SKAP1: variants seen among roughly 807,000 people sequenced by gnomAD.
SKAP1 encodes src kinase associated phosphoprotein 1, also known as src kinase-associated phosphoprotein 1.
A neutral mutation model predicts 58.5 loss-of-function variants in SKAP1; 44 were observed. The ratio of observed to expected loss-of-function variants is 0.75; its 90% CI spans 0.59 to 0.97. The LOEUF is 0.97. Ranked by LOEUF, SKAP1 falls within the 50% of genes least tolerant of loss-of-function variation. The pLI is 0.00. For missense variants in SKAP1, 390 were observed against 435.2 expected, an observed-to-expected ratio of 0.90 and a Z score of 0.92; for synonymous variants, 127 against 149.7, an observed-to-expected ratio of 0.85 and a Z score of 1.11.
At chr17:48,436,374 C>G in the SKAP1 span, among the ~76,000 whole-genome samples, 1 of 152,140 alleles carries the variant, frequency 6.6e-6, no homozygotes, top group African/African-American at 2.4e-5. Context: ...GTCTGGCCAA[C>G]AACTGTACCC....
At chr17:48,419,293 T>C (rs974758786) in intron 1 of SKAP1, among the ~76,000 whole-genome samples, 1 of 150,418 alleles carries the variant, frequency 6.6e-6, no homozygotes, top group South Asian at 2.1e-4. Flanking sequence ...GGGGCTTTTT[T>C]TTTTTTCCAA....
intron 2 of SKAP1, among the ~76,000 whole-genome samples, chr17:48,388,470 C>T (rs563019292): frequency 2.7e-3 from 408 of 152,110 alleles, no homozygotes; most frequent in African/African-American, 9.4e-3. Flanking sequence ...AATAAAAAAC[C>T]TTTATATTAT....
chr17:48,247,749 T>C (rs1350773780), intron 4 of SKAP1, among the ~76,000 whole-genome samples: 1 of 152,158 alleles, frequency 6.6e-6, no homozygotes, highest in Non-Finnish European at 1.5e-5. Flanking sequence ...TATAGATGCA[T>C]ACTCGATGCA....
At chr17:48,257,563 A>G (rs186019157) in intron 4 of SKAP1, among the ~76,000 whole-genome samples, 1 of 152,136 alleles carries the variant, frequency 6.6e-6, no homozygotes, top group Admixed American at 6.6e-5. Context: ...ATTTGTCGGA[A>G]ACTTACAAAG....
intron 11 of SKAP1, among the ~76,000 whole-genome samples, chr17:48,153,632 G>T (rs1003072174): frequency 3.3e-5 from 5 of 151,996 alleles, no homozygotes; most frequent in African/African-American, 1.2e-4. Context: ...AAGATACTTT[G>T]CCATAGGATC....
chr17:48,318,748 C>G (rs2066322054), intron 4 of SKAP1, among the ~76,000 whole-genome samples: 4 of 152,116 alleles, frequency 2.6e-5, no homozygotes, highest in Admixed American at 2.6e-4. Flanking sequence ...CCTATAGTCC[C>G]AGCTAGTCTG....
intron 4 of SKAP1, among the ~76,000 whole-genome samples, chr17:48,298,672 G>A (rs2066014870): frequency 6.6e-6 from 1 of 152,152 alleles, no homozygotes; most frequent in Non-Finnish European, 1.5e-5. Flanking sequence ...TTTATTTCAT[G>A]AGATCCTGTT....
chr17:48,217,383 A>G (rs2064953315), intron 4 of SKAP1, among the ~76,000 whole-genome samples: 1 of 152,158 alleles, frequency 6.6e-6, no homozygotes, highest in Non-Finnish European at 1.5e-5. Context: ...GATCAGCTGC[A>G]ATGGTGCCAG....
intron 4 of SKAP1, among the ~76,000 whole-genome samples, chr17:48,337,153 C>A (rs2066583498): frequency 6.6e-6 from 1 of 152,052 alleles, no homozygotes; most frequent in Non-Finnish European, 1.5e-5. Context: ...CCTGCTAGAC[C>A]AGTGTATCCG....
At chr17:48,158,965 GAAAA>G (rs34145165) in intron 11 of SKAP1, among the ~76,000 whole-genome samples, 1 of 131,390 alleles carries the variant, frequency 7.6e-6, no homozygotes. Context: ...TTCTCAAAAA[GAAAA>G]AAAAAAAAAA....
intron 4 of SKAP1, among the ~76,000 whole-genome samples, chr17:48,298,271 A>G (rs1302229404): frequency 6.6e-6 from 1 of 152,218 alleles, no homozygotes. Flanking sequence ...TTTCTGCATA[A>G]GTCAGAGTGA....
At chr17:48,443,432 A>T in the SKAP1 span, among the ~76,000 whole-genome samples, 2 of 151,428 alleles carry the variant, frequency 1.3e-5, no homozygotes, top group Admixed American at 6.6e-5. Context: ...TCAATAAAGG[A>T]TTACTGAGTG....
At chr17:48,246,243 G>T (rs905826087) in intron 4 of SKAP1, among the ~76,000 whole-genome samples, 1 of 152,134 alleles carries the variant, frequency 6.6e-6, no homozygotes, top group African/African-American at 2.4e-5. Flanking sequence ...CTTCAGACTA[G>T]CATTCAAAGG....
At position 48,338,146 on chromosome 17, in the gene SKAP1, TTTTC is replaced by T. The variant is rs772805795; in HGVS notation, c.280+7755_280+7758del. ...TTCCTTCCTTCTTTCCTTTCTTTCT[TTTTC>T]TTTCTTTCTTTCTTTTCAGACAGAG... On this transcript the variant is annotated intron_variant, in intron 4 of 12. Coordinates refer to ENST00000336915, the MANE Select transcript of SKAP1 (RefSeq NM_003726.4). 8.6e-5 allele frequency among the ~76,000 whole-genome samples: 13 copies of T among 151,424 alleles called. 1 individual carries two copies. In the South Asian group the frequency reaches 1.7e-3, roughly 19 times the overall value.
At chr17:48,273,886 C>T (rs1460615200) in intron 4 of SKAP1, among the ~76,000 whole-genome samples, 1 of 151,892 alleles carries the variant, frequency 6.6e-6, no homozygotes, top group African/African-American at 2.4e-5. Flanking sequence ...GAGGAATCTC[C>T]AGGTTTAAGA....
intron 4 of SKAP1, among the ~76,000 whole-genome samples, chr17:48,250,272 G>GTTTTGT (rs1567838132): frequency 1.4e-5 from 1 of 74,034 alleles, no homozygotes; most frequent in Non-Finnish European, 2.6e-5. Context: ...GCCATAGACA[G>GTTTTGT]TTTTTTTTTT....
intron 3 of SKAP1, 70 bp from the exon 4 acceptor site, chr17:48,346,076 A>T: frequency 1.1e-6 from 1 of 888,218 alleles, no homozygotes; most frequent in Non-Finnish European, 1.7e-6. Context: ...CATCCTTATA[A>T]AAGGATCTAT....
chr17:48,393,896 AC>A (rs55887429), intron 2 of SKAP1, among the ~76,000 whole-genome samples: 151,956 of 151,966 alleles, frequency 1, 75,973 homozygotes, highest in Middle Eastern at 1. Context: ...ATAGGTTACC[AC>A]CCCCCCCAAA....
chr17:48,416,210 AT>A (rs11405480), intron 1 of SKAP1, among the ~76,000 whole-genome samples: 22 of 151,230 alleles, frequency 1.5e-4, no homozygotes, highest in African/African-American at 2.7e-4. Context: ...TGATACCTGT[AT>A]TTTTTTTTCT....
Sources: allele counts gnomAD v4.1 joint callset (sites outside exome capture counted in the v4.1 genomes callset), GRCh38; gene constraint gnomAD v4.1.1; transcripts MANE v1.5; gene names NCBI Gene and HGNC (gene_info 2026-07-23, HGNC 2026-07-21).